Variants in IGBP1C observed in about 807,000 individuals in gnomAD.
IGBP1C encodes the protein immunoglobulin-binding protein 1 family member C.
chr17:58,684,857 T>C, the IGBP1C span, among the ~76,000 whole-genome samples: 1 of 151,834 alleles, frequency 6.6e-6, no homozygotes, highest in South Asian at 2.1e-4. Context: ...ACACCTGTAA[T>C]CTCAGCTACT....
the IGBP1C span, among the ~76,000 whole-genome samples, chr17:58,683,379 CAA>C: frequency 1.5e-5 from 2 of 134,816 alleles, no homozygotes; most frequent in Non-Finnish European, 3.2e-5. Flanking sequence ...TCCCCCCCCC[CAA>C]AAAAAAAAGG....
At chr17:58,687,762 T>A in the IGBP1C span, among the ~76,000 whole-genome samples, 1 of 152,202 alleles carries the variant, frequency 6.6e-6, no homozygotes, top group East Asian at 1.9e-4. Context: ...CCTGAAAATG[T>A]CTCGTTATTG....
At chr17:58,689,359 T>A in the IGBP1C span, among the ~76,000 whole-genome samples, 1 of 152,074 alleles carries the variant, frequency 6.6e-6, no homozygotes, top group East Asian at 1.9e-4. Context: ...TAGCTGGGAC[T>A]ATAGGCACAC....
the IGBP1C span, among the ~76,000 whole-genome samples, chr17:58,667,642 T>C: frequency 6.6e-6 from 1 of 152,168 alleles, no homozygotes; most frequent in South Asian, 2.1e-4. Context: ...CCCAACACTT[T>C]GGGAGGCTGA....
At chr17:58,683,246 G>GCA in the IGBP1C span, among the ~76,000 whole-genome samples, 1 of 151,208 alleles carries the variant, frequency 6.6e-6, no homozygotes, top group Non-Finnish European at 1.5e-5. Context: ...GGTGGCACGT[G>GCA]TCTGTAATCC....
At chr17:58,681,649 A>T in the IGBP1C span, among the ~76,000 whole-genome samples, 1 of 152,110 alleles carries the variant, frequency 6.6e-6, no homozygotes, top group Admixed American at 6.6e-5. Flanking sequence ...CAGGAGTTCG[A>T]GACCAGCCTG....
chr17:58,679,300 C>T, the IGBP1C span, among the ~76,000 whole-genome samples: 10 of 152,196 alleles, frequency 6.6e-5, no homozygotes, highest in African/African-American at 2.2e-4. Context: ...CCCTTAGAGC[C>T]GCCAAAGGTA....
the IGBP1C span, among the ~76,000 whole-genome samples, chr17:58,690,404 G>A: frequency 4.3e-4 from 65 of 152,222 alleles, no homozygotes; most frequent in South Asian, 0.011. Context: ...GAGATCAAGC[G>A]ATGTGCCCTC....
At chr17:58,660,937 TC>T in the IGBP1C span, 1 of 999,962 alleles carries the variant, frequency 1.0e-6, no homozygotes, top group South Asian at 1.3e-5. Context: ...AGTCTTTCTC[TC>T]CCAGGATCTT....
At chr17:58,679,665 T>C in the IGBP1C span, 2 of 152,202 alleles carry the variant, frequency 1.3e-5, no homozygotes, top group Non-Finnish European at 2.9e-5. Flanking sequence ...TTAATGATCA[T>C]GTTATTTCCC....
chr17:58,683,377 C>T, the IGBP1C span, among the ~76,000 whole-genome samples: 25,827 of 149,144 alleles, frequency 0.17, 2,349 homozygotes, highest in Non-Finnish European at 0.19. Context: ...CATCCCCCCC[C>T]CCAAAAAAAA....
chr17:58,668,285 C>G, the IGBP1C span, among the ~76,000 whole-genome samples: 2 of 152,200 alleles, frequency 1.3e-5, no homozygotes, highest in Admixed American at 1.3e-4. Flanking sequence ...CTACAAGACC[C>G]CATTGCAGCG....
the IGBP1C span, among the ~76,000 whole-genome samples, chr17:58,677,249 T>C: frequency 6.6e-6 from 1 of 152,104 alleles, no homozygotes; most frequent in Non-Finnish European, 1.5e-5. Context: ...AGCACCACTG[T>C]ACTCCAGTCT....
chr17:58,665,908 G>A, the IGBP1C span, among the ~76,000 whole-genome samples: 4 of 151,896 alleles, frequency 2.6e-5, no homozygotes, highest in African/African-American at 4.8e-5. Flanking sequence ...CTAGCCACGC[G>A]TGGTGGCGGG....
At chr17:58,690,357 G>A in the IGBP1C span, among the ~76,000 whole-genome samples, 1 of 151,984 alleles carries the variant, frequency 6.6e-6, no homozygotes, top group Non-Finnish European at 1.5e-5. Flanking sequence ...GTAGAGATGG[G>A]GTTTTGCCCT....
chr17:58,663,905 C>T, the IGBP1C span, among the ~76,000 whole-genome samples: 3 of 152,174 alleles, frequency 2.0e-5, no homozygotes, highest in Admixed American at 6.5e-5. Flanking sequence ...AGGCCAGGGG[C>T]AGTGGCTCAT....
At chr17:58,683,418 T>A in the IGBP1C span, among the ~76,000 whole-genome samples, 2 of 149,938 alleles carry the variant, frequency 1.3e-5, no homozygotes, top group African/African-American at 5.0e-5. Flanking sequence ...AATACTAACA[T>A]AAGTAAACAT....
the IGBP1C span, among the ~76,000 whole-genome samples, chr17:58,667,623 G>A: frequency 2.0e-5 from 3 of 152,150 alleles, no homozygotes; most frequent in Non-Finnish European, 2.9e-5. Context: ...AGTGGCTCAC[G>A]CCTGTAATCC....
At chr17:58,680,401 G>T in the IGBP1C span, among the ~76,000 whole-genome samples, 2 of 152,264 alleles carry the variant, frequency 1.3e-5, no homozygotes, top group South Asian at 2.1e-4. Context: ...TGCAGCAAAT[G>T]ATCAATCTTA....
Sources: allele counts gnomAD v4.1 joint callset (sites outside exome capture counted in the v4.1 genomes callset), GRCh38; gene constraint gnomAD v4.1.1; transcripts MANE v1.5; gene names NCBI Gene and HGNC (gene_info 2026-07-23, HGNC 2026-07-21).